ANO3: variants seen among roughly 807,000 people sequenced by gnomAD.
ANO3 encodes anoctamin 3, also known as anoctamin-3.
In ANO3, 99 loss-of-function variants were observed where a neutral mutation model predicts 144.8. The ratio of observed to expected loss-of-function variants is 0.68; its 90% CI spans 0.58 to 0.81. ANO3 has a LOEUF of 0.81. Among genes scored for constraint, ANO3 ranks in the 30% least tolerant of loss-of-function variants. ANO3 has a pLI of 0.00. For missense variants in ANO3, 905 were observed against 1,202.2 expected, an observed-to-expected ratio of 0.75 and a Z score of 3.66; for synonymous variants, 414 against 392.6, an observed-to-expected ratio of 1.05 and a Z score of -0.64.
chr11:26,323,858 T>C (rs1854821057), intron 1 of ANO3, among the ~76,000 whole-genome samples: 1 of 152,206 alleles, frequency 6.6e-6, no homozygotes, highest in South Asian at 2.1e-4. Context: ...ATACCCTTTG[T>C]GACATTTTAA....
At chr11:26,329,584 G>C (rs971308729), upstream of ANO3, among the ~76,000 whole-genome samples, 1 of 152,150 alleles carries the variant, frequency 6.6e-6, no homozygotes, top group African/African-American at 2.4e-5. Flanking sequence ...GCACCAAGGA[G>C]GTTAGGGTGC....
intron 17 of ANO3, among the ~76,000 whole-genome samples, chr11:26,601,703 C>T (rs1851804207): frequency 6.6e-6 from 1 of 152,150 alleles, no homozygotes; most frequent in South Asian, 2.1e-4. Flanking sequence ...TATAGTAAAA[C>T]ATCATGTTTG....
At chr11:26,626,555 T>C (rs941834397) in intron 18 of ANO3, among the ~76,000 whole-genome samples, 2 of 152,192 alleles carry the variant, frequency 1.3e-5, no homozygotes, top group African/African-American at 4.8e-5. Context: ...AGCTGAGGTA[T>C]AGGATGAGGC....
chr11:26,635,040 TA>T lies in ANO3; in HGVS notation c.2016del (p.Lys672AsnfsTer17). The T allele has an allele frequency of 1.9e-6, 3 of 1,613,586 alleles. No homozygotes were observed. Among genetic ancestry groups the T allele is most frequent in the Non-Finnish European group, 2.5e-6 (3 of 1,179,630 alleles). On this transcript the variant is annotated frameshift_variant, in exon 20 of 27. Coordinates refer to ENST00000256737, the MANE Select transcript of ANO3 (RefSeq NM_031418.4). LOFTEE classifies it high-confidence loss of function. The stretch of plus-strand genomic sequence containing the variant: ...TCGTAGGCCACCCAGGAAAATACAA[TA>T]AACTTTTTGACCGGTGGAGACTGGA... ...RFVGHPGKYNKLFDRWRLEEC... is the reference protein window; with the variant it reads ...RFVGHPGKYNXLFDRWRLEEC...
At chr11:26,510,031 G>C (rs1047878164) in intron 5 of ANO3, among the ~76,000 whole-genome samples, 2 of 151,438 alleles carry the variant, frequency 1.3e-5, no homozygotes, top group Non-Finnish European at 2.9e-5. Context: ...CTACTCTGGA[G>C]GCTGAGGCAG....
At chr11:26,386,821 A>T (rs773447692) in intron 1 of ANO3, among the ~76,000 whole-genome samples, 2 of 152,200 alleles carry the variant, frequency 1.3e-5, no homozygotes, top group African/African-American at 4.8e-5. Flanking sequence ...AAATTTTCTT[A>T]AAAAAGAACA....
chr11:26,527,604 C>A (rs575334793), intron 7 of ANO3, among the ~76,000 whole-genome samples: 109 of 152,184 alleles, frequency 7.2e-4, no homozygotes, highest in African/African-American at 2.5e-3. Flanking sequence ...ACTTGTGCTT[C>A]TCTTTTCTTG....
upstream of ANO3, among the ~76,000 whole-genome samples, chr11:26,329,957 C>G (rs772229418): frequency 6.6e-6 from 1 of 151,976 alleles, no homozygotes; most frequent in Non-Finnish European, 1.5e-5. Context: ...GGACTACAGG[C>G]GCCCGCCACC....
intron 1 of ANO3, among the ~76,000 whole-genome samples, chr11:26,436,528 C>T (rs1858301910): frequency 6.6e-6 from 1 of 152,182 alleles, no homozygotes; most frequent in African/African-American, 2.4e-5. Flanking sequence ...GCCTGCCCCT[C>T]CCTCTGGCAG....
At chr11:26,592,362 A>G (rs1218563477) in intron 14 of ANO3, among the ~76,000 whole-genome samples, 1 of 151,976 alleles carries the variant, frequency 6.6e-6, no homozygotes. Flanking sequence ...TGTATGCCTA[A>G]CACCTGGGAT....
intron 4 of ANO3, among the ~76,000 whole-genome samples, chr11:26,474,739 G>A (rs1590393159): frequency 6.6e-6 from 1 of 151,750 alleles, no homozygotes; most frequent in South Asian, 2.1e-4. Context: ...TGCTTCCATC[G>A]GGAAAATTTC....
At chr11:26,545,054 A>G (rs1849752024) in intron 11 of ANO3, among the ~76,000 whole-genome samples, 2 of 152,030 alleles carry the variant, frequency 1.3e-5, no homozygotes, top group South Asian at 2.1e-4. Context: ...ATGTTAAACT[A>G]TTTATGCATA....
intron 1 of ANO3, among the ~76,000 whole-genome samples, chr11:26,256,616 T>C (rs1853063176): frequency 6.6e-6 from 1 of 152,098 alleles, no homozygotes; most frequent in Admixed American, 6.6e-5. Context: ...ATTTTTGTAA[T>C]ATAAACTTGA....
At chr11:26,305,549 T>C (rs1854361200), upstream of ANO3, among the ~76,000 whole-genome samples, 1 of 152,138 alleles carries the variant, frequency 6.6e-6, no homozygotes, top group African/African-American at 2.4e-5. Context: ...GCAAATTTGA[T>C]AAGTGATATT....
rs183398282 is a variant in ANO3, at chr11:26,471,688, C to T, written c.432+8540C>T. 3.6e-3 allele frequency among the ~76,000 whole-genome samples: 554 copies of T among 151,832 alleles called. 3 individuals are homozygous for T. The highest frequency in any genetic ancestry group is 0.013 in the African/African-American group (538 of 41,460). ...AGGGCTAGGAAGTCATGACATGAGA[C>T]GATTTACCTGAGAGAATGAAATTAG... is the stretch of plus-strand genomic sequence containing the variant. On this transcript the variant is annotated intron_variant, in intron 4 of 26. Coordinates refer to ENST00000256737, the MANE Select transcript of ANO3 (RefSeq NM_031418.4).
intron 6 of ANO3, among the ~76,000 whole-genome samples, chr11:26,524,648 A>G (rs1849118187): frequency 6.6e-6 from 1 of 152,160 alleles, no homozygotes; most frequent in South Asian, 2.1e-4. Context: ...ATTATTTAAG[A>G]GATGAATTAA....
chr11:26,609,697 A>G (rs1378985159), intron 17 of ANO3, among the ~76,000 whole-genome samples: 1 of 152,098 alleles, frequency 6.6e-6, no homozygotes, highest in African/African-American at 2.4e-5. Context: ...GCTGCAATAA[A>G]CTTAGGAATT....
At chr11:26,209,636 A>T (rs1024523341) in intron 1 of ANO3, among the ~76,000 whole-genome samples, 1 of 151,302 alleles carries the variant, frequency 6.6e-6, no homozygotes, top group African/African-American at 2.4e-5. Flanking sequence ...CCTATTTCTC[A>T]TCTTCTCCAA....
chr11:26,582,744 C>T (rs1219613000), intron 14 of ANO3, among the ~76,000 whole-genome samples: 1 of 152,072 alleles, frequency 6.6e-6, no homozygotes, highest in Admixed American at 6.5e-5. Context: ...ATTATTTCAA[C>T]ATATATTAAT....
Sources: allele counts gnomAD v4.1 joint callset (sites outside exome capture counted in the v4.1 genomes callset), GRCh38; gene constraint gnomAD v4.1.1; transcripts MANE v1.5; gene names NCBI Gene and HGNC (gene_info 2026-07-23, HGNC 2026-07-21).